LRFN2: variants seen among roughly 807,000 people sequenced by gnomAD.
The protein encoded by LRFN2 is leucine rich repeat and fibronectin type III domain containing 2, also known as leucine-rich repeat and fibronectin type-III domain-containing protein 2.
In LRFN2, 18 loss-of-function variants were observed where a neutral mutation model predicts 37.3. The observed-to-expected ratio is 0.48, with a 90% confidence interval of 0.33 to 0.72. The LOEUF (loss-of-function observed/expected upper bound fraction) is 0.72. Among genes scored for constraint, LRFN2 ranks in the 30% least tolerant of loss-of-function variants. LRFN2 has a pLI of 0.02. For missense variants in LRFN2, 1,006 were observed against 1,060.7 expected, an observed-to-expected ratio of 0.95 and a Z score of 0.72; for synonymous variants, 556 against 466.6, an observed-to-expected ratio of 1.19 and a Z score of -2.47.
At chr6:40,472,537 G>T (rs2113858004) in intron 1 of LRFN2, among the ~76,000 whole-genome samples, 1 of 152,256 alleles carries the variant, frequency 6.6e-6, no homozygotes, top group African/African-American at 2.4e-5. Flanking sequence ...GACCTTGGGG[G>T]GCCTGTGGGG....
intron 1 of LRFN2, among the ~76,000 whole-genome samples, chr6:40,437,116 A>G (rs1375635104): frequency 6.6e-6 from 1 of 152,084 alleles, no homozygotes; most frequent in East Asian, 1.9e-4. Context: ...GCACTTCCCA[A>G]CATTTTCAAG....
At chr6:40,403,589 T>C (rs1211429676) in intron 2 of LRFN2, among the ~76,000 whole-genome samples, 2 of 152,206 alleles carry the variant, frequency 1.3e-5, no homozygotes, top group Non-Finnish European at 2.9e-5. Flanking sequence ...ATTGAGGCTC[T>C]GAGACAAAGC....
At chr6:40,464,867 T>C (rs1183124165) in intron 1 of LRFN2, among the ~76,000 whole-genome samples, 1 of 152,192 alleles carries the variant, frequency 6.6e-6, no homozygotes, top group Non-Finnish European at 1.5e-5. Context: ...AGGTGTAATC[T>C]ACACAATCTC....
chr6:40,486,052 C>T (rs917028043), intron 1 of LRFN2, among the ~76,000 whole-genome samples: 13 of 152,148 alleles, frequency 8.5e-5, no homozygotes, highest in African/African-American at 1.7e-4. Context: ...TCCTGCGGGG[C>T]GAGGGTGCTG....
chr6:40,434,167 G>A (rs1178250968), intron 1 of LRFN2, among the ~76,000 whole-genome samples: 1 of 152,230 alleles, frequency 6.6e-6, no homozygotes, highest in Non-Finnish European at 1.5e-5. Flanking sequence ...CCAAGAAGAA[G>A]GGACCTCTTT....
At chr6:40,550,232 A>G (rs903362343) in intron 1 of LRFN2, among the ~76,000 whole-genome samples, 6 of 152,110 alleles carry the variant, frequency 3.9e-5, no homozygotes, top group Non-Finnish European at 7.4e-5. Context: ...ATGAAGGGCT[A>G]GGGTATGAGC....
At chr6:40,487,046 G>A (rs112414150) in intron 1 of LRFN2, among the ~76,000 whole-genome samples, 5 of 152,096 alleles carry the variant, frequency 3.3e-5, no homozygotes, top group South Asian at 2.1e-4. Context: ...AGGGGATGGC[G>A]TTGGGATCCT....
In LRFN2 at chr6:40,537,286, T is replaced by C. The variant is rs1469095021; in HGVS notation, c.-19+49655A>G. Reference sequence around the variant, plus strand: ...ACTGGGAATAGTTCCTGGCACATCGTAGGCCCTCAGGAATATTTGCAGAAT... The same window carrying C: ...ACTGGGAATAGTTCCTGGCACATCGCAGGCCCTCAGGAATATTTGCAGAAT... On this transcript the variant is annotated intron_variant, in intron 1 of 2. Coordinates refer to ENST00000338305, the MANE Select transcript of LRFN2 (RefSeq NM_020737.3). Among the ~76,000 whole-genome samples the C allele has an allele frequency of 2.0e-5, 3 of 152,324 alleles. No homozygotes were observed. In the South Asian group the frequency reaches 6.2e-4, roughly 32 times the overall value.
chr6:40,429,591 A>G (rs1306336813), intron 2 of LRFN2, among the ~76,000 whole-genome samples: 1 of 152,242 alleles, frequency 6.6e-6, no homozygotes, highest in Non-Finnish European at 1.5e-5. Flanking sequence ...CAAAAGTGTG[A>G]TCAAAATGAG....
chr6:40,557,394 G>A (rs1477036271), intron 1 of LRFN2, among the ~76,000 whole-genome samples: 2 of 152,200 alleles, frequency 1.3e-5, no homozygotes, highest in African/African-American at 4.8e-5. Context: ...GGTGGTAATG[G>A]TGGCGGGGTC....
In LRFN2 at chr6:40,448,687, G is replaced by C. The variant is rs137908389; in HGVS notation, c.-18-15556C>G. 1.6e-4 allele frequency among the ~76,000 whole-genome samples: 25 copies of C among 152,274 alleles called. 1 individual carries two copies. In the East Asian group the frequency reaches 4.8e-3, roughly 29 times the overall value. On this transcript the variant is annotated intron_variant, in intron 1 of 2. Transcript: ENST00000338305. Reference sequence around the variant, plus strand: ...GCACTATCTCCTGACTTGTGGTGTTGGTGTCTGGAGAGATTACAAGGCTGG... The same window carrying C: ...GCACTATCTCCTGACTTGTGGTGTTCGTGTCTGGAGAGATTACAAGGCTGG...
At chr6:40,418,710 C>T (rs767800475) in intron 2 of LRFN2, among the ~76,000 whole-genome samples, 19 of 152,166 alleles carry the variant, frequency 1.2e-4, no homozygotes, top group Non-Finnish European at 2.4e-4. Context: ...TTGCAAGTCA[C>T]GCCACCTCCC....
rs1436345388 is a variant in LRFN2 at position 40,431,962 on chromosome 6, G to A, written c.1152C>T (p.Asn384=). ...TGGGGGGTGCAGTGCGGCTGGTGCT[G>A]TTGCTGAGGTGTGGCAGCTGGACGA... The part of the protein sequence containing the change: ...VSIVQLPHLS[N]STSRTAPPKS... The change falls in exon 2 of 3, where the codon AAC becomes AAT. Residue 384 remains asparagine, a synonymous_variant. Coordinates refer to ENST00000338305, the MANE Select transcript of LRFN2 (RefSeq NM_020737.3). 1 of 1,613,580 alleles carries A rather than the reference G, an allele frequency of 6.2e-7. No homozygotes were observed. The highest frequency in any genetic ancestry group is 8.5e-7 in the Non-Finnish European group (1 of 1,180,020).
intron 1 of LRFN2, among the ~76,000 whole-genome samples, chr6:40,498,396 G>C (rs1378211026): frequency 6.6e-6 from 1 of 152,144 alleles, no homozygotes; most frequent in Non-Finnish European, 1.5e-5. Context: ...GGAGAGTCCA[G>C]AGCCTGCAGG....
intron 1 of LRFN2, among the ~76,000 whole-genome samples, chr6:40,517,909 G>C (rs205522): frequency 6.6e-6 from 1 of 152,084 alleles, no homozygotes; most frequent in Non-Finnish European, 1.5e-5. Context: ...CATGAGCTAA[G>C]AGGGGGTCCA....
intron 1 of LRFN2, among the ~76,000 whole-genome samples, chr6:40,515,972 T>C (rs1294522841): frequency 3.3e-5 from 5 of 150,100 alleles, no homozygotes; most frequent in Non-Finnish European, 7.4e-5. Flanking sequence ...CACTCACTCC[T>C]CAGGTGGTCC....
At chr6:40,547,324 C>T (rs112062024) in intron 1 of LRFN2, among the ~76,000 whole-genome samples, 2,317 of 152,122 alleles carry the variant, frequency 0.015, 56 homozygotes, top group African/African-American at 0.053. Context: ...AGGCCGGTCT[C>T]GAACTCCTGA....
At chr6:40,554,991 C>A (rs777423868) in intron 1 of LRFN2, among the ~76,000 whole-genome samples, 1 of 152,244 alleles carries the variant, frequency 6.6e-6, no homozygotes, top group Non-Finnish European at 1.5e-5. Flanking sequence ...CTTTTCCATG[C>A]ATGCTGGTGG....
intron 1 of LRFN2, among the ~76,000 whole-genome samples, chr6:40,537,023 C>T (rs1561899717): frequency 6.6e-6 from 1 of 152,226 alleles, no homozygotes; most frequent in Non-Finnish European, 1.5e-5. Context: ...GAAACTGAGG[C>T]ACGGAGGGTT....
Sources: gnomAD v4.1 joint callset for allele counts (sites outside exome capture counted in the v4.1 genomes callset) on GRCh38, gnomAD v4.1.1 for gene constraint, MANE v1.5 for transcripts, NCBI Gene and HGNC (gene_info 2026-07-23, HGNC 2026-07-21) for gene names.